TMEM9: variants seen among roughly 807,000 people sequenced by gnomAD.
TMEM9 encodes proton-transporting V-type ATPase complex assembly regulator TMEM9.
In TMEM9, 13 loss-of-function variants were observed where a neutral mutation model predicts 22.8. The ratio of observed to expected loss-of-function variants is 0.57; its 90% CI spans 0.37 to 0.91. TMEM9 has a LOEUF of 0.91. TMEM9 is among the 40% of genes least tolerant of loss of function. The probability of loss-of-function intolerance (pLI) is 0.01; values close to 1 mark genes in which losing one functional copy is unlikely to be tolerated. For synonymous variants in TMEM9, 88 were observed against 93.0 expected, an observed-to-expected ratio of 0.95 and a Z score of 0.31; for missense variants, 182 against 238.1, an observed-to-expected ratio of 0.76 and a Z score of 1.55.
At chr1:201,138,870 A>C (rs1290049621) in intron 4 of TMEM9, among the ~76,000 whole-genome samples, 1 of 152,248 alleles carries the variant, frequency 6.6e-6, no homozygotes, top group Admixed American at 6.5e-5. Context: ...CCTAGGACCC[A>C]GCTGGATCCT....
At position 201,135,557 on chromosome 1, in the gene TMEM9, AAG is replaced by A; in HGVS notation, c.*104_*105del. 1 of 1,241,006 alleles carries A rather than the reference AAG, an allele frequency of 8.1e-7. No homozygotes were observed. Among genetic ancestry groups the A allele is most frequent in the South Asian group, 1.8e-5 (1 of 54,398 alleles). 76.9% of individuals were successfully genotyped at this position (1,241,006 alleles called of 1,614,324 possible). ...GGAGGAAAAATGCCACAGGCTTTTAAAGGGAAGACTGGAACCGAGGGAAGGGA... is the reference window on the plus strand; with the variant it reads ...GGAGGAAAAATGCCACAGGCTTTTAAGGAAGACTGGAACCGAGGGAAGGGA... On this transcript the variant is annotated 3_prime_UTR_variant, in exon 5 of 5. Transcript: ENST00000367330.
At chr1:201,149,577 C>T (rs909588361) in intron 2 of TMEM9, among the ~76,000 whole-genome samples, 1 of 152,230 alleles carries the variant, frequency 6.6e-6, no homozygotes, top group African/African-American at 2.4e-5. Context: ...TGGTCATAAT[C>T]TCTCAACACT....
At chr1:201,156,351 T>C (rs918524279), upstream of TMEM9, among the ~76,000 whole-genome samples, 3 of 152,176 alleles carry the variant, frequency 2.0e-5, no homozygotes, top group African/African-American at 7.2e-5. Context: ...TGAAATGCAC[T>C]CCCTTCCTGT....
At chr1:201,150,107 CAG>C (rs1665303411) in intron 2 of TMEM9, among the ~76,000 whole-genome samples, 1 of 152,214 alleles carries the variant, frequency 6.6e-6, no homozygotes, top group African/African-American at 2.4e-5. Flanking sequence ...AGCTCCAGGA[CAG>C]AGAGAGTGTT....
intron 4 of TMEM9, among the ~76,000 whole-genome samples, chr1:201,139,696 A>C (rs1339417663): frequency 6.6e-6 from 1 of 152,198 alleles, no homozygotes; most frequent in Admixed American, 6.5e-5. Context: ...AGCAATCATG[A>C]TGCTACTTAA....
chr1:201,161,884 T>A (rs1665954049), intron 1 of TMEM9, among the ~76,000 whole-genome samples: 1 of 152,184 alleles, frequency 6.6e-6, no homozygotes, highest in Non-Finnish European at 1.5e-5. Context: ...CACTTTTTGG[T>A]TTTTTAATGC....
chr1:201,162,383 C>T (rs1017356723), intron 1 of TMEM9, among the ~76,000 whole-genome samples: 4 of 151,792 alleles, frequency 2.6e-5, no homozygotes, highest in African/African-American at 9.7e-5. Flanking sequence ...GCAATCCTCC[C>T]ACCTCGGCCT....
chr1:201,163,645 G>A (rs1407747295), intron 1 of TMEM9, among the ~76,000 whole-genome samples: 1 of 151,888 alleles, frequency 6.6e-6, no homozygotes, highest in African/African-American at 2.4e-5. Context: ...TAAAAATAAT[G>A]AGCTATCACT....
chr1:201,151,015 T>C (rs1200160051), intron 2 of TMEM9, among the ~76,000 whole-genome samples: 4 of 152,160 alleles, frequency 2.6e-5, no homozygotes, highest in Non-Finnish European at 5.9e-5. Flanking sequence ...CCTGAAGCTT[T>C]TATCCTTGGC....
At chr1:201,152,200 A>T (rs1006682337) in intron 1 of TMEM9, among the ~76,000 whole-genome samples, 2 of 151,592 alleles carry the variant, frequency 1.3e-5, no homozygotes, top group African/African-American at 4.9e-5. Context: ...TCTACCCCAG[A>T]CCCCACACTT....
chr1:201,160,134 T>C (rs1255390072), intron 1 of TMEM9, among the ~76,000 whole-genome samples: 1 of 152,246 alleles, frequency 6.6e-6, no homozygotes, highest in Non-Finnish European at 1.5e-5. Flanking sequence ...GGTAGGGTTA[T>C]GGTAAGGCCC....
intron 4 of TMEM9, among the ~76,000 whole-genome samples, chr1:201,137,549 G>A (rs1366415607): frequency 6.6e-6 from 1 of 151,730 alleles, no homozygotes; most frequent in South Asian, 2.1e-4. Context: ...ACAATACTTA[G>A]TGTAATGCAT....
At chr1:201,152,828 C>T (rs1229271277) in intron 1 of TMEM9, among the ~76,000 whole-genome samples, 1 of 152,228 alleles carries the variant, frequency 6.6e-6, no homozygotes, top group Non-Finnish European at 1.5e-5. Flanking sequence ...GAGTGACGGG[C>T]TTCTTGAAAG....
At chr1:201,139,901 C>G (rs1558105070) in intron 4 of TMEM9, among the ~76,000 whole-genome samples, 1 of 152,204 alleles carries the variant, frequency 6.6e-6, no homozygotes, top group Non-Finnish European at 1.5e-5. Flanking sequence ...TGTGATTAAC[C>G]ACAATGCTGT....
chr1:201,159,085 G>T (rs942199615), upstream of TMEM9, among the ~76,000 whole-genome samples: 3 of 152,098 alleles, frequency 2.0e-5, no homozygotes, highest in African/African-American at 7.2e-5. Context: ...CCTAATTTTT[G>T]CATTAGCAAC....
chr1:201,160,950 A>AT (rs1491482383), intron 1 of TMEM9, among the ~76,000 whole-genome samples: 1 of 151,944 alleles, frequency 6.6e-6, no homozygotes, highest in Non-Finnish European at 1.5e-5. Flanking sequence ...AAAAAAAAAA[A>AT]ATATTGAGGA....
rs1238120806 is a variant in TMEM9 at position 201,135,358 on chromosome 1, G to A, written c.*305C>T. 1 of 247,228 alleles carries A rather than the reference G, an allele frequency of 4.0e-6. No individual in the cohort carries two copies. The highest frequency in any genetic ancestry group is 7.7e-6 in the Non-Finnish European group (1 of 129,550). The allele number at this position is 247,228 out of a possible 1,614,324, so 15.3% of individuals were successfully genotyped here. On this transcript the variant is annotated 3_prime_UTR_variant, in exon 5 of 5. Transcript: ENST00000367330. ...CTGGAAGGCGGCAAGAGTGGAGCCA[G>A]GAGAGACAGATCGCATCCACTCCTG...
rs80240228 is a variant in TMEM9, at chr1:201,140,126, G to A, written c.399+3694C>T. 6.6e-5 allele frequency among the ~76,000 whole-genome samples: 10 copies of A among 152,328 alleles called. No homozygotes were observed. The East Asian group carries it at 1.7e-3, about 26-fold the overall frequency. ...CAGTGGCCCGAGTCTTCTCCCCGGT[G>A]CCTGCATGTTCCAGTTCCCATCATC... On this transcript the variant is annotated intron_variant, in intron 4 of 4. Coordinates refer to ENST00000367330, the MANE Select transcript of TMEM9 (RefSeq NM_001288565.2).
chr1:201,143,806 C>T lies in TMEM9; in HGVS notation c.399+14G>A. 3 of 1,613,422 alleles carry T rather than the reference C, an allele frequency of 1.9e-6. No individual in the cohort carries two copies. The highest frequency in any genetic ancestry group is 2.5e-6 in the Non-Finnish European group (3 of 1,179,660). Reference sequence around the variant, plus strand: ...TGCAGGGACCCAGGGCCTGGGCACTCAAAGCCCTCTTACCTCATTCTCCTC... The same window carrying T: ...TGCAGGGACCCAGGGCCTGGGCACTTAAAGCCCTCTTACCTCATTCTCCTC... On this transcript the variant is annotated intron_variant, in intron 4 of 4. Coordinates refer to ENST00000367330, the MANE Select transcript of TMEM9 (RefSeq NM_001288565.2).
Sources: gnomAD v4.1 joint callset for allele counts (sites outside exome capture counted in the v4.1 genomes callset) on GRCh38, gnomAD v4.1.1 for gene constraint, MANE v1.5 for transcripts, NCBI Gene and HGNC (gene_info 2026-07-23, HGNC 2026-07-21) for gene names.